The following OPCML variants were observed in gnomAD, a reference collection of about 807,000 sequenced individuals.
OPCML encodes opioid-binding protein/cell adhesion molecule.
OPCML carries 13 observed loss-of-function variants against 37.8 expected under a neutral mutation model. The ratio of observed to expected loss-of-function variants is 0.34; its 90% CI spans 0.22 to 0.55. The LOEUF (loss-of-function observed/expected upper bound fraction) is 0.55, where lower values mean the gene tolerates loss of function less well. Among genes scored for constraint, OPCML ranks in the 20% least tolerant of loss-of-function variants. The pLI, the probability that OPCML is intolerant of heterozygous loss-of-function variation, is 0.91. For missense variants in OPCML, 341 were observed against 435.6 expected, an observed-to-expected ratio of 0.78 and a Z score of 1.93; for synonymous variants, 176 against 168.8, an observed-to-expected ratio of 1.04 and a Z score of -0.33.
rs562056846 is a variant in OPCML, at chr11:132,552,763, C to CTTTTTT, written c.380-23583_380-23578dup. Among the ~76,000 whole-genome samples the CTTTTTT allele has an allele frequency of 1.1e-3, 103 of 92,790 alleles. 18 individuals carry two copies. The highest frequency in any genetic ancestry group is 5.0e-3 in the African/African-American group (89 of 17,840). The allele number at this position is 92,790 out of a possible 152,430, so 60.9% of individuals were successfully genotyped here. On this transcript the variant is annotated intron_variant, in intron 3 of 7. Transcript: ENST00000524381. ...TAGTCAAACTAAATTAAACACTACT[C>CTTTTTT]TTTTTTTTTTTTTTTTGAGACCGAG... is the stretch of plus-strand genomic sequence containing the variant.
Position 133,140,531 on chromosome 11 carries a change from T to TAATAATAATAATAAGAAGAAGAAGAAG in OPCML, c.62-197522_62-197521insCTTCTTCTTCTTCTTATTATTATTATT, listed in dbSNP as rs1272061685. ...TGTCTCAAAATAATAATAATAATAA[T>TAATAATAATAATAAGAAGAAGAAGAAG]AAGAAGAAGAAGAAGAAGAAGAAGA... On this transcript the variant is annotated intron_variant, in intron 1 of 7. Transcript: ENST00000524381. Among the ~76,000 whole-genome samples, 82 of 88,084 alleles carry TAATAATAATAATAAGAAGAAGAAGAAG rather than the reference T, an allele frequency of 9.3e-4. 1 individual carries two copies. The highest frequency in any genetic ancestry group is 1.3e-3 in the Non-Finnish European group (58 of 45,210). 57.8% of individuals were successfully genotyped at this position (88,084 alleles called of 152,430 possible). A position where few individuals can be genotyped will look rare whatever the true frequency, so the allele number is the denominator to read the frequency against.
intron 3 of OPCML, among the ~76,000 whole-genome samples, chr11:132,651,090 C>A (rs1266651880): frequency 6.6e-6 from 1 of 152,194 alleles, no homozygotes; most frequent in African/African-American, 2.4e-5. Context: ...CACCTGCTGC[C>A]CCAACCCCAG....
At chr11:132,542,472 T>C (rs931769290) in intron 3 of OPCML, among the ~76,000 whole-genome samples, 1 of 152,128 alleles carries the variant, frequency 6.6e-6, no homozygotes, top group African/African-American at 2.4e-5. Context: ...GCACCCAGTC[T>C]CTATCCAGGT....
chr11:132,942,882 C>G (rs1315063461), intron 2 of OPCML, 44 bp downstream of exon 2: 1 of 1,607,246 alleles, frequency 6.2e-7, no homozygotes, highest in Non-Finnish European at 8.5e-7. Context: ...TCCCCAGCGA[C>G]CACAGCCCAG....
intron 1 of OPCML, among the ~76,000 whole-genome samples, chr11:133,523,830 G>T (rs75474514): frequency 0.029 from 4,385 of 152,248 alleles, 214 homozygotes; most frequent in African/African-American, 0.1. Flanking sequence ...GCTCTTGGGT[G>T]TGGATAATTT....
intron 4 of OPCML, among the ~76,000 whole-genome samples, chr11:132,464,222 A>T (rs2136924352): frequency 6.6e-6 from 1 of 152,074 alleles, no homozygotes; most frequent in East Asian, 1.9e-4. Flanking sequence ...CATCTCCTTC[A>T]TGTCTCTGTC....
intron 2 of OPCML, among the ~76,000 whole-genome samples, chr11:132,889,353 C>T (rs1199887477): frequency 6.6e-6 from 1 of 152,216 alleles, no homozygotes; most frequent in East Asian, 1.9e-4. Flanking sequence ...CCTTCTGGAG[C>T]TTAGCAAGCA....
At chr11:132,872,312 T>A (rs1381064244) in intron 2 of OPCML, among the ~76,000 whole-genome samples, 1 of 152,220 alleles carries the variant, frequency 6.6e-6, no homozygotes, top group African/African-American at 2.4e-5. Context: ...TAAATCTGCC[T>A]CCTGAACGTG....
At chr11:132,593,926 C>T (rs2096488593) in intron 3 of OPCML, among the ~76,000 whole-genome samples, 1 of 152,118 alleles carries the variant, frequency 6.6e-6, no homozygotes, top group African/African-American at 2.4e-5. Flanking sequence ...CTCAAGAGTG[C>T]AGCAAGTGTG....
chr11:132,813,226 C>T (rs948198118), intron 2 of OPCML, among the ~76,000 whole-genome samples: 9 of 152,060 alleles, frequency 5.9e-5, no homozygotes, highest in African/African-American at 7.2e-5. Flanking sequence ...AAGATCATGT[C>T]CATCTGCATA....
At chr11:132,939,893 T>C (rs915400241) in intron 2 of OPCML, among the ~76,000 whole-genome samples, 5 of 152,210 alleles carry the variant, frequency 3.3e-5, no homozygotes, top group Non-Finnish European at 5.9e-5. Context: ...TTTGTAATAA[T>C]GAATTCAAAT....
At chr11:132,984,674 T>TGCTGA (rs1262271500) in intron 1 of OPCML, among the ~76,000 whole-genome samples, 8 of 152,134 alleles carry the variant, frequency 5.3e-5, no homozygotes, top group Non-Finnish European at 7.4e-5. Flanking sequence ...AGCATCTTTC[T>TGCTGA]TAGAACTCTA....
chr11:132,941,249 G>C (rs1193182131), intron 2 of OPCML, among the ~76,000 whole-genome samples: 1 of 152,190 alleles, frequency 6.6e-6, no homozygotes, highest in East Asian at 1.9e-4. Flanking sequence ...TGGTGGAATA[G>C]TCTTACTGCA....
In OPCML at chr11:132,688,874, C is replaced by T. The variant is rs1173025645; in HGVS notation, c.147-31555G>A. On this transcript the variant is annotated intron_variant, in intron 2 of 7. Transcript: ENST00000524381. ...CTGAGGCAGGAGAATGGCGTGAACC[C>T]GGGAAGCGGAGCTTGCAGTGAGCCG... Among the ~76,000 whole-genome samples, 3 of 41,452 alleles carry T rather than the reference C, an allele frequency of 7.2e-5. 1 individual carries two copies. In the Admixed American group the frequency reaches 1.1e-3, roughly 16 times the overall value. 27.2% of individuals were successfully genotyped at this position (41,452 alleles called of 152,430 possible). A position where few individuals can be genotyped will look rare whatever the true frequency, so the allele number is the denominator to read the frequency against.
chr11:133,175,813 G>A (rs577185372), intron 1 of OPCML, among the ~76,000 whole-genome samples: 2 of 152,118 alleles, frequency 1.3e-5, no homozygotes, highest in African/African-American at 4.8e-5. Flanking sequence ...GTGAACCTCA[G>A]TGAAACACAA....
intron 1 of OPCML, among the ~76,000 whole-genome samples, chr11:132,973,741 C>T (rs6590671): frequency 6.6e-6 from 1 of 152,178 alleles, no homozygotes; most frequent in Admixed American, 6.5e-5. Context: ...CATACATCTA[C>T]TTTCCACAAT....
intron 2 of OPCML, among the ~76,000 whole-genome samples, chr11:132,927,939 G>A: frequency 6.6e-6 from 1 of 151,558 alleles, no homozygotes; most frequent in Admixed American, 6.6e-5. Flanking sequence ...CAAATCATGG[G>A]GATATAGCAT....
Position 133,282,958 on chromosome 11 carries a change from T to G in OPCML, c.61+249306A>C, listed in dbSNP as rs188712223. Among the ~76,000 whole-genome samples, 231 of 152,334 alleles carry G rather than the reference T, an allele frequency of 1.5e-3. 2 individuals carry two copies. Among genetic ancestry groups the G allele is most frequent in the African/African-American group, 5.3e-3 (220 of 41,572 alleles). ...GGAACAGGAACATTTACCCAATGCCTATATCATCATTGTGACTTGGAAGTA... is the reference window on the plus strand; with the variant it reads ...GGAACAGGAACATTTACCCAATGCCGATATCATCATTGTGACTTGGAAGTA... On this transcript the variant is annotated intron_variant, in intron 1 of 7. Transcript: ENST00000524381.
At chr11:133,256,736 A>T (rs761669330) in intron 1 of OPCML, among the ~76,000 whole-genome samples, 7 of 152,262 alleles carry the variant, frequency 4.6e-5, no homozygotes, top group African/African-American at 7.2e-5. Flanking sequence ...AAATAGCTTT[A>T]AATTAGAAAG....
Sources: allele counts gnomAD v4.1 joint callset (sites outside exome capture counted in the v4.1 genomes callset), GRCh38; gene constraint gnomAD v4.1.1; transcripts MANE v1.5; gene names NCBI Gene and HGNC (gene_info 2026-07-23, HGNC 2026-07-21).